Variants in SHTN1 observed in about 807,000 individuals in gnomAD.
The protein encoded by SHTN1 is shootin 1, also known as shootin-1.
In SHTN1, 42 loss-of-function variants were observed where a neutral mutation model predicts 83.1. That is an observed-to-expected ratio of 0.51 (90% CI 0.39 to 0.65). The LOEUF (loss-of-function observed/expected upper bound fraction) is 0.65, where lower values mean the gene tolerates loss of function less well. SHTN1 is among the 30% of genes least tolerant of loss of function. SHTN1 has a pLI of 0.00. For synonymous variants in SHTN1, 224 were observed against 247.7 expected (o/e 0.90, Z 0.90); for missense variants, 622 against 737.8 (o/e 0.84, Z 1.82).
intron 9 of SHTN1, among the ~76,000 whole-genome samples, chr10:116,932,614 T>C (rs868134958): frequency 6.6e-6 from 1 of 152,188 alleles, no homozygotes; most frequent in Admixed American, 6.5e-5. Context: ...GTTCCGAGTA[T>C]GTTTAAGGTA....
chr10:117,065,845 G>T (rs1227550611), intron 1 of SHTN1, among the ~76,000 whole-genome samples: 3 of 75,722 alleles, frequency 4.0e-5, no homozygotes, highest in Non-Finnish European at 7.9e-5. Flanking sequence ...AGGAAGGAAG[G>T]AAGGAAGGAA....
At chr10:116,976,142 T>C (rs1850798912) in intron 2 of SHTN1, among the ~76,000 whole-genome samples, 1 of 152,210 alleles carries the variant, frequency 6.6e-6, no homozygotes, top group Admixed American at 6.5e-5. Context: ...GGGGTACTGT[T>C]CTTTCCTCTG....
intron 3 of SHTN1, among the ~76,000 whole-genome samples, chr10:116,964,244 T>C (rs1184927942): frequency 6.6e-6 from 1 of 152,166 alleles, no homozygotes; most frequent in Non-Finnish European, 1.5e-5. Context: ...TGCTAAACTC[T>C]TTACATGTGT....
At chr10:117,051,312 T>C (rs1035632986) in intron 1 of SHTN1, among the ~76,000 whole-genome samples, 4 of 152,132 alleles carry the variant, frequency 2.6e-5, no homozygotes, top group Non-Finnish European at 4.4e-5. Context: ...TTAAATGACT[T>C]CATTGGTGAA....
intron 9 of SHTN1, among the ~76,000 whole-genome samples, chr10:116,938,991 T>C (rs945582950): frequency 2.0e-5 from 3 of 152,148 alleles, no homozygotes; most frequent in Non-Finnish European, 4.4e-5. Flanking sequence ...TACTCAAGCC[T>C]CAGTAATAGC....
chr10:116,983,186 G>C (rs1461348661), intron 1 of SHTN1, among the ~76,000 whole-genome samples: 2 of 152,112 alleles, frequency 1.3e-5, no homozygotes. Context: ...CTGAGTCTCA[G>C]GTTCCTCATC....
At chr10:117,026,107 AG>A (rs1353500161) in intron 2 of SHTN1, among the ~76,000 whole-genome samples, 1 of 152,154 alleles carries the variant, frequency 6.6e-6, no homozygotes, top group Non-Finnish European at 1.5e-5. Context: ...AGCACCAAGT[AG>A]GCTCCTGGGG....
chr10:117,110,258 AAAC>A (rs1853745960), intron 1 of SHTN1, among the ~76,000 whole-genome samples: 1 of 152,204 alleles, frequency 6.6e-6, no homozygotes. Context: ...ATCCTCTATA[AAAC>A]AACCCCAGAA....
At chr10:116,942,495 G>A (rs1361976733) in intron 8 of SHTN1, among the ~76,000 whole-genome samples, 5 of 151,948 alleles carry the variant, frequency 3.3e-5, no homozygotes, top group African/African-American at 1.2e-4. Flanking sequence ...TTACAGACGT[G>A]AGCCACCATG....
At chr10:117,052,742 G>A (rs1196236150) in intron 1 of SHTN1, among the ~76,000 whole-genome samples, 6 of 151,892 alleles carry the variant, frequency 4.0e-5, no homozygotes, top group South Asian at 4.2e-4. Context: ...AAGTTGGGCC[G>A]AGTGCGGTGG....
intron 1 of SHTN1, among the ~76,000 whole-genome samples, chr10:117,082,234 T>C (rs1853279676): frequency 2.1e-5 from 2 of 93,330 alleles, no homozygotes; most frequent in South Asian, 4.8e-4. Context: ...TGGTATGTTG[T>C]GTCTTTGTTC....
At chr10:117,077,393 G>A (rs998515992) in intron 1 of SHTN1, among the ~76,000 whole-genome samples, 1 of 152,176 alleles carries the variant, frequency 6.6e-6, no homozygotes, top group Non-Finnish European at 1.5e-5. Flanking sequence ...GTTTTCACTG[G>A]AAGTTTGCCC....
At chr10:117,046,195 CAA>C (rs921181617) in intron 2 of SHTN1, among the ~76,000 whole-genome samples, 3 of 151,780 alleles carry the variant, frequency 2.0e-5, no homozygotes, top group Non-Finnish European at 4.4e-5. Flanking sequence ...CACACACACA[CAA>C]AAACTATACC....
chr10:116,976,564 C>T (rs1335155959), intron 2 of SHTN1, among the ~76,000 whole-genome samples: 1 of 152,126 alleles, frequency 6.6e-6, no homozygotes, highest in Non-Finnish European at 1.5e-5. Context: ...GAAAGGATGG[C>T]CATACGTATT....
At chr10:116,909,946 T>A (rs1272870476) in intron 14 of SHTN1, among the ~76,000 whole-genome samples, 1 of 152,152 alleles carries the variant, frequency 6.6e-6, no homozygotes, top group Non-Finnish European at 1.5e-5. Flanking sequence ...CTTTTCGTGT[T>A]CCATCTTAAT....
intron 13 of SHTN1, among the ~76,000 whole-genome samples, chr10:116,914,429 G>A (rs1252672572): frequency 6.6e-6 from 1 of 151,460 alleles, no homozygotes; most frequent in African/African-American, 2.4e-5. Flanking sequence ...CCGAGATTGC[G>A]CCACTGCACT....
chr10:117,008,885 G>A (rs538315080), upstream of SHTN1, among the ~76,000 whole-genome samples: 2 of 152,294 alleles, frequency 1.3e-5, no homozygotes, highest in Admixed American at 1.3e-4. Flanking sequence ...AGGCCAGGGC[G>A]GGTGGATCAC....
upstream of SHTN1, among the ~76,000 whole-genome samples, chr10:117,007,573 A>C (rs1461453438): frequency 6.7e-6 from 1 of 149,840 alleles, no homozygotes; most frequent in Non-Finnish European, 1.5e-5. Context: ...AAAAAAAAAA[A>C]AAAAAAACTC....
At chr10:117,109,271 T>C (rs1250619712) in intron 1 of SHTN1, among the ~76,000 whole-genome samples, 2 of 152,148 alleles carry the variant, frequency 1.3e-5, no homozygotes, top group Non-Finnish European at 2.9e-5. Context: ...ATGTAGTCCA[T>C]GTTGTGACTC....
Sources: allele counts gnomAD v4.1 joint callset (sites outside exome capture counted in the v4.1 genomes callset), GRCh38; gene constraint gnomAD v4.1.1; transcripts MANE v1.5; gene names NCBI Gene and HGNC (gene_info 2026-07-23, HGNC 2026-07-21).